The following BICDL1 variants were observed in gnomAD, a reference collection of about 807,000 sequenced individuals.
BICDL1 encodes the protein BICD family-like cargo adapter 1.
A neutral mutation model predicts 76.8 loss-of-function variants in BICDL1; 20 were observed. The observed-to-expected ratio is 0.26, with a 90% CI of 0.18 to 0.38. BICDL1 has a LOEUF of 0.38. Among genes scored for constraint, BICDL1 ranks in the 10% least tolerant of loss-of-function variants. The probability of loss-of-function intolerance (pLI) is 1.00; values close to 1 mark genes in which losing one functional copy is unlikely to be tolerated. For synonymous variants in BICDL1, 383 were observed against 337.1 expected, an observed-to-expected ratio of 1.14 and a Z score of -1.49; for missense variants, 700 against 798.6, an observed-to-expected ratio of 0.88 and a Z score of 1.49.
chr12:120,059,296 G>T (rs1953051701), intron 2 of BICDL1, among the ~76,000 whole-genome samples: 1 of 151,902 alleles, frequency 6.6e-6, no homozygotes, highest in African/African-American at 2.4e-5. Flanking sequence ...TTGAGACTGA[G>T]TCTCGCTCTG....
chr12:119,997,597 C>T (rs937737215), intron 1 of BICDL1, among the ~76,000 whole-genome samples: 4 of 152,182 alleles, frequency 2.6e-5, no homozygotes, highest in Non-Finnish European at 5.9e-5. Flanking sequence ...TGAGCTGTGA[C>T]TTAGAGAACC....
chr12:120,075,058 A>G (rs755956893), intron 7 of BICDL1, among the ~76,000 whole-genome samples: 4 of 152,218 alleles, frequency 2.6e-5, no homozygotes, highest in African/African-American at 9.6e-5. Flanking sequence ...TCATTTGATC[A>G]CGATTTCATC....
At chr12:120,004,000 A>G (rs1293700868) in intron 2 of BICDL1, among the ~76,000 whole-genome samples, 1 of 152,202 alleles carries the variant, frequency 6.6e-6, no homozygotes, top group Non-Finnish European at 1.5e-5. Context: ...CTCATGCTCC[A>G]CATGGTCTGT....
At chr12:120,068,947 G>A (rs1872874560) in intron 4 of BICDL1, among the ~76,000 whole-genome samples, 1 of 152,166 alleles carries the variant, frequency 6.6e-6, no homozygotes, top group Non-Finnish European at 1.5e-5. Flanking sequence ...GGGTGAAGTA[G>A]CAGCATGGAG....
At chr12:119,991,474 G>T (rs1951522174) in intron 1 of BICDL1, among the ~76,000 whole-genome samples, 1 of 152,194 alleles carries the variant, frequency 6.6e-6, no homozygotes, top group South Asian at 2.1e-4. Context: ...CTGCTAACTA[G>T]GTCTGCCAGT....
chr12:120,032,335 T>C (rs1239921529), intron 2 of BICDL1, among the ~76,000 whole-genome samples: 1 of 152,188 alleles, frequency 6.6e-6, no homozygotes, highest in East Asian at 1.9e-4. Context: ...TTTAAAAATT[T>C]TTTATTTTTT....
intron 9 of BICDL1, chr12:120,091,956 C>A: frequency 1.0e-6 from 1 of 985,394 alleles, no homozygotes; most frequent in South Asian, 4.7e-5. Flanking sequence ...TCGGACACCA[C>A]AGGCTGACTC....
At chr12:120,027,023 ATTTCT>A (rs969509349) in intron 2 of BICDL1, among the ~76,000 whole-genome samples, 3 of 137,260 alleles carry the variant, frequency 2.2e-5, no homozygotes, top group Non-Finnish European at 4.6e-5. Flanking sequence ...TAATGATGTA[ATTTCT>A]TTTTTTTTTT....
At chr12:120,063,378 T>G (rs567934994) in intron 3 of BICDL1, among the ~76,000 whole-genome samples, 1 of 152,268 alleles carries the variant, frequency 6.6e-6, no homozygotes, top group East Asian at 1.9e-4. Flanking sequence ...AGATATCTGA[T>G]CTCTCTGGAC....
chr12:119,998,475 C>T (rs1203321899), intron 1 of BICDL1, 46 bp from the exon 2 acceptor site: 1 of 1,503,842 alleles, frequency 6.6e-7, no homozygotes, highest in Non-Finnish European at 8.9e-7. Context: ...AAATAAAAGG[C>T]TGTGGAATTT....
At chr12:120,043,475 T>G (rs1413945630) in intron 2 of BICDL1, among the ~76,000 whole-genome samples, 2 of 152,190 alleles carry the variant, frequency 1.3e-5, no homozygotes, top group African/African-American at 2.4e-5. Flanking sequence ...TTCTGAGTAT[T>G]AAAAGATTGC....
chr12:120,035,519 T>G (rs769166417), intron 2 of BICDL1, among the ~76,000 whole-genome samples: 4 of 152,192 alleles, frequency 2.6e-5, no homozygotes, highest in Non-Finnish European at 5.9e-5. Context: ...TCACCACATA[T>G]AGTGAACAAG....
rs779009135 is a variant in BICDL1, at chr12:120,072,658, G to A, written c.1237G>A (p.Gly413Ser). 21 of 1,613,974 alleles carry A rather than the reference G, an allele frequency of 1.3e-5. No individual in the cohort carries two copies. Among genetic ancestry groups the A allele is most frequent in the African/African-American group, 2.7e-5 (2 of 74,914 alleles). Reference protein sequence around the residue: ...ETSSAKDVPAGSLRTALNELK... With the variant: ...ETSSAKDVPASSLRTALNELK... Reference sequence around the variant, plus strand: ...CTCGTCCGCCAAGGATGTGCCAGCCGGCAGCTTGCGCACTGCCCTCAATGA... The same window carrying A: ...CTCGTCCGCCAAGGATGTGCCAGCCAGCAGCTTGCGCACTGCCCTCAATGA... Residue 413 changes from glycine (G) to serine (S), a missense_variant, in exon 6 of 10, where the codon GGC (glycine) becomes AGC (serine). Around this residue, in one of 3 missense-constraint regions of BICDL1, gnomAD observed 455 missense variants for 548.7 expected, o/e 0.83. Coordinates refer to ENST00000548673, the MANE Select transcript of BICDL1 (RefSeq NM_001367886.1).
chr12:119,998,375 T>G, intron 1 of BICDL1, 146 bp from the exon 2 acceptor site: 1 of 586,476 alleles, frequency 1.7e-6, no homozygotes, highest in Non-Finnish European at 2.9e-6. Flanking sequence ...TTTTTGTAGC[T>G]GTGAATTCGG....
chr12:120,073,840 AC>A (rs1873304969), intron 6 of BICDL1, among the ~76,000 whole-genome samples: 2 of 152,222 alleles, frequency 1.3e-5, no homozygotes, highest in African/African-American at 4.8e-5. Flanking sequence ...TATTCCCACC[AC>A]ACGGCTTCCT....
chr12:120,091,808 G>T (rs1422294350), intron 9 of BICDL1: 2 of 985,212 alleles, frequency 2.0e-6, no homozygotes, highest in African/African-American at 3.5e-5. Flanking sequence ...AGGAGGAGTG[G>T]ACAAGCTGCT....
intron 2 of BICDL1, among the ~76,000 whole-genome samples, chr12:120,044,470 C>T (rs1056162961): frequency 2.0e-5 from 3 of 152,188 alleles, no homozygotes; most frequent in Non-Finnish European, 4.4e-5. Flanking sequence ...ATTTCCATCC[C>T]TGTTCTAAGT....
intron 2 of BICDL1, among the ~76,000 whole-genome samples, chr12:120,059,575 A>T (rs571430184): frequency 6.6e-6 from 1 of 152,022 alleles, no homozygotes; most frequent in African/African-American, 2.4e-5. Context: ...TGCCCGGCCT[A>T]ATTTTTGTAT....
chr12:120,029,536 G>A (rs1287947449), intron 2 of BICDL1, among the ~76,000 whole-genome samples: 1 of 151,972 alleles, frequency 6.6e-6, no homozygotes, highest in Non-Finnish European at 1.5e-5. Context: ...AATGTCTTAT[G>A]GTCAAATAAA....
Sources: allele counts gnomAD v4.1 joint callset (sites outside exome capture counted in the v4.1 genomes callset), GRCh38; gene constraint gnomAD v4.1.1; regional missense constraint gnomAD v4.1.1; transcripts MANE v1.5; gene names NCBI Gene and HGNC (gene_info 2026-07-23, HGNC 2026-07-21).